The following DNAH11 variants were observed in gnomAD, a reference collection of about 807,000 sequenced individuals.
DNAH11 encodes the protein dynein axonemal heavy chain 11, also known as axonemal beta dynein heavy chain 11.
In DNAH11, 442 loss-of-function variants were observed where a neutral mutation model predicts 526.0. The ratio of observed to expected loss-of-function variants is 0.84; its 90% CI spans 0.78 to 0.91. DNAH11 has a LOEUF of 0.91. Ranked by LOEUF, DNAH11 falls within the 40% of genes least tolerant of loss-of-function variation. The pLI, the probability that DNAH11 is intolerant of heterozygous loss-of-function variation, is 0.00. For synonymous variants in DNAH11, 2,461 were observed against 1,935.9 expected (o/e 1.27, Z -7.12); for missense variants, 6,989 against 5,448.7 (o/e 1.28, Z -8.90).
rs1784001908 is a variant in DNAH11, at chr7:21,574,274, ATTC to A, written c.1593+2304_1593+2306del. Among the ~76,000 whole-genome samples the A allele has an allele frequency of 5.9e-5, 9 of 152,276 alleles. No homozygotes were observed. In the South Asian group the frequency reaches 1.9e-3, roughly 32 times the overall value. On this transcript the variant is annotated intron_variant, in intron 8 of 81. Coordinates refer to ENST00000409508, the MANE Select transcript of DNAH11 (RefSeq NM_001277115.2). Reference sequence around the variant, plus strand: ...AGATACCTAAGCAAAGATGGTAGCTATTCTTGTTGAGGGTAACCCCTTGGCTCC... The same window carrying A: ...AGATACCTAAGCAAAGATGGTAGCTATTGTTGAGGGTAACCCCTTGGCTCC...
intron 75 of DNAH11, among the ~76,000 whole-genome samples, chr7:21,883,238 A>G (rs901648938): frequency 2.6e-5 from 4 of 152,226 alleles, no homozygotes; most frequent in Non-Finnish European, 5.9e-5. Flanking sequence ...TTATGTTTTT[A>G]CTTAAACTGT....
intron 55 of DNAH11, among the ~76,000 whole-genome samples, chr7:21,766,448 C>T (rs1787189630): frequency 6.6e-6 from 1 of 152,164 alleles, no homozygotes. Context: ...AAGTGACTCT[C>T]AGAGGCAAAC....
In DNAH11 at chr7:21,758,005, T is replaced by C. The variant is rs544184430; in HGVS notation, c.8941-7423T>C. On this transcript the variant is annotated intron_variant, in intron 54 of 81. Coordinates refer to ENST00000409508, the MANE Select transcript of DNAH11 (RefSeq NM_001277115.2). ...GAGCAGAACGTTTGGCTTCTTTCTC[T>C]TATGCAGATAGCCATCTCGACGGCT... 4.6e-5 allele frequency among the ~76,000 whole-genome samples: 7 copies of C among 152,344 alleles called. No individual in the cohort carries two copies. The South Asian group carries it at 1.5e-3, about 32-fold the overall frequency.
intron 55 of DNAH11, among the ~76,000 whole-genome samples, chr7:21,767,942 G>C (rs976361810): frequency 6.6e-6 from 1 of 152,136 alleles, no homozygotes; most frequent in East Asian, 1.9e-4. Flanking sequence ...TTTGGCCACA[G>C]AGAAAGGAGT....
At chr7:21,569,329 A>AAAG (rs943650801) in intron 6 of DNAH11, among the ~76,000 whole-genome samples, 1 of 152,188 alleles carries the variant, frequency 6.6e-6, no homozygotes, top group Non-Finnish European at 1.5e-5. Context: ...GTAGCATACA[A>AAAG]AAGAACCTTC....
At chr7:21,619,862 T>C in intron 24 of DNAH11, 94 bp from the exon 25 acceptor site, 2 of 1,265,730 alleles carry the variant, frequency 1.6e-6, no homozygotes, top group Non-Finnish European at 2.2e-6. Flanking sequence ...CAGTTTGCAT[T>C]TTTGAAAGTT....
chr7:21,627,887 A>G lies in DNAH11; in HGVS notation c.4500+7809A>G, dbSNP rs1203588561. The stretch of plus-strand genomic sequence containing the variant: ...TGGGTAATATTGTCATTTTAACAAT[A>G]CTCTTCCAATCCATGAGCGTGGAAT... On this transcript the variant is annotated intron_variant, in intron 25 of 81. Coordinates refer to ENST00000409508, the MANE Select transcript of DNAH11 (RefSeq NM_001277115.2). Among the ~76,000 whole-genome samples, 5 of 152,018 alleles carry G rather than the reference A, an allele frequency of 3.3e-5. No homozygotes were observed. In the East Asian group the frequency reaches 9.7e-4, roughly 29 times the overall value.
At chr7:21,660,859 A>G (rs934889935) in intron 30 of DNAH11, among the ~76,000 whole-genome samples, 7 of 151,960 alleles carry the variant, frequency 4.6e-5, no homozygotes, top group Non-Finnish European at 7.4e-5. Flanking sequence ...TTATATTTTC[A>G]CTCAATATAT....
intron 2 of DNAH11, among the ~76,000 whole-genome samples, chr7:21,553,070 ATTTTTTTTTTT>A (rs35121910): frequency 3.1e-4 from 21 of 66,770 alleles, no homozygotes; most frequent in African/African-American, 1.2e-3. Context: ...TATAAATGGG[ATTTTTTTTTTT>A]TTTTTTTTTT....
At chr7:21,656,689 T>G (rs1782028805) in intron 29 of DNAH11, among the ~76,000 whole-genome samples, 1 of 152,146 alleles carries the variant, frequency 6.6e-6, no homozygotes, top group Non-Finnish European at 1.5e-5. Context: ...TGGAATAGTG[T>G]CTAGTGGAGA....
chr7:21,621,027 G>A (rs1187026650), intron 25 of DNAH11, among the ~76,000 whole-genome samples: 1 of 152,022 alleles, frequency 6.6e-6, no homozygotes, highest in South Asian at 2.1e-4. Context: ...ATAAACATAC[G>A]TGTGCATGTG....
intron 61 of DNAH11, among the ~76,000 whole-genome samples, chr7:21,798,029 A>T (rs779504621): frequency 2.4e-4 from 36 of 152,202 alleles, no homozygotes; most frequent in Admixed American, 2.4e-3. Flanking sequence ...AGAAAATGTA[A>T]AGCTCACATA....
At chr7:21,852,405 T>TAAAAAAAA (rs55939718) in intron 66 of DNAH11, 62 bp from the exon 67 acceptor site, 2 of 1,243,270 alleles carry the variant, frequency 1.6e-6, no homozygotes, top group East Asian at 2.7e-5. Flanking sequence ...AGACTTCCTC[T>TAAAAAAAA]AAAAAAAAAA....
intron 4 of DNAH11, among the ~76,000 whole-genome samples, chr7:21,560,802 TCAATC>T (rs1783423848): frequency 6.6e-6 from 1 of 152,144 alleles, no homozygotes; most frequent in Admixed American, 6.5e-5. Context: ...TTTGCATCCT[TCAATC>T]CAATCAAGTT....
At chr7:21,871,345 G>T (rs1040493371) in intron 73 of DNAH11, among the ~76,000 whole-genome samples, 1 of 152,200 alleles carries the variant, frequency 6.6e-6, no homozygotes, top group Non-Finnish European at 1.5e-5. Context: ...AAGCATTGCT[G>T]TTCTTGGAAA....
intron 70 of DNAH11, 69 bp downstream of exon 70, chr7:21,864,726 A>T: frequency 2.1e-6 from 3 of 1,436,374 alleles, no homozygotes; most frequent in Middle Eastern, 1.8e-4. Context: ...CAGTGTTGAA[A>T]TGTAAACATT....
At chr7:21,773,668 T>TAAAA in intron 55 of DNAH11, 98 bp from the exon 56 acceptor site, 2 of 939,422 alleles carry the variant, frequency 2.1e-6, no homozygotes, top group African/African-American at 1.7e-5. Context: ...TTTTTTTTTC[T>TAAAA]GACTTTTAGA....
At chr7:21,873,842 G>A (rs1395553253) in intron 74 of DNAH11, among the ~76,000 whole-genome samples, 2 of 136,286 alleles carry the variant, frequency 1.5e-5, no homozygotes, top group Non-Finnish European at 3.0e-5. Flanking sequence ...CCAGGCTGGA[G>A]TGCAGTGGCA....
Position 21,545,226 on chromosome 7 carries a change from A to G in DNAH11, c.495+77A>G, listed in dbSNP as rs1401159814. On this transcript the variant is annotated intron_variant, in intron 2 of 81. Coordinates refer to ENST00000409508, the MANE Select transcript of DNAH11 (RefSeq NM_001277115.2). Reference sequence around the variant, plus strand: ...GAAATTATTTAGGACAACTCCGATAATTAAAAAAAGAAGAGCTAGGAGGGG... The same window carrying G: ...GAAATTATTTAGGACAACTCCGATAGTTAAAAAAAGAAGAGCTAGGAGGGG... 3 of 1,281,494 alleles carry G rather than the reference A, an allele frequency of 2.3e-6. No individual in the cohort carries two copies. The East Asian group carries it at 9.6e-5, about 41-fold the overall frequency. 79.4% of individuals were successfully genotyped at this position (1,281,494 alleles called of 1,614,324 possible). A position where few individuals can be genotyped will look rare whatever the true frequency, so the allele number is the denominator to read the frequency against.
Sources: gnomAD v4.1 joint callset for allele counts (sites outside exome capture counted in the v4.1 genomes callset) on GRCh38, gnomAD v4.1.1 for gene constraint, MANE v1.5 for transcripts, NCBI Gene and HGNC (gene_info 2026-07-23, HGNC 2026-07-21) for gene names.